Variants in AKAP6 observed in about 807,000 individuals in gnomAD.
AKAP6 encodes A-kinase anchor protein 6.
In AKAP6, 58 loss-of-function variants were observed where a neutral mutation model predicts 188.5. The observed-to-expected ratio is 0.31, with a 90% CI of 0.25 to 0.38. AKAP6 has a LOEUF of 0.38. AKAP6 is among the 10% of genes least tolerant of loss of function. AKAP6 has a pLI of 1.00. For missense variants in AKAP6, 2,710 were observed against 2,740.0 expected (o/e 0.99, Z 0.24); for synonymous variants, 989 against 998.6 (o/e 0.99, Z 0.18).
At chr14:32,519,955 C>T (rs745644133) in intron 2 of AKAP6, among the ~76,000 whole-genome samples, 26 of 151,944 alleles carry the variant, frequency 1.7e-4, no homozygotes, top group Non-Finnish European at 3.2e-4. Context: ...AATAAAGCAC[C>T]CCTCAGCAAA....
At chr14:32,706,865 T>C (rs1890832868) in intron 9 of AKAP6, among the ~76,000 whole-genome samples, 1 of 152,060 alleles carries the variant, frequency 6.6e-6, no homozygotes, top group African/African-American at 2.4e-5. Flanking sequence ...AATGCTCTTA[T>C]GGCCTTTGGG....
intron 12 of AKAP6, among the ~76,000 whole-genome samples, chr14:32,807,241 G>A (rs1296105812): frequency 6.6e-6 from 1 of 151,172 alleles, no homozygotes; most frequent in African/African-American, 2.4e-5. Flanking sequence ...GGAGAAGATT[G>A]CCTGAGTGCA....
chr14:32,720,825 C>G (rs1342813086), intron 9 of AKAP6, among the ~76,000 whole-genome samples: 2 of 152,010 alleles, frequency 1.3e-5, no homozygotes, highest in Admixed American at 6.6e-5. Flanking sequence ...CAACTGCACT[C>G]CAGCCTGGGC....
At position 32,546,457 on chromosome 14, in the gene AKAP6, A is replaced by G; in HGVS notation, c.1804A>G (p.Lys602Glu). ...TCCGGTGCCACTTCTTTCAAAACAC[A>G]AAAGCAAAAAAGGTCAAGCCTCCTC... ...MSPVPLLSKH[K>E]SKKGQASSPS... The change falls in exon 4 of 14, where the codon AAA becomes GAA. Residue 602 changes from lysine (K) to glutamate (E), a missense_variant. This residue lies in a region of AKAP6 where 2,473 missense variants were observed against 2,426.1 expected (regional missense o/e 1.02). Coordinates refer to ENST00000280979, the MANE Select transcript of AKAP6 (RefSeq NM_004274.5). 1.2e-6 allele frequency: 2 copies of G among 1,614,182 alleles called. No homozygotes were observed. Among genetic ancestry groups the G allele is most frequent in the Non-Finnish European group, 1.7e-6 (2 of 1,180,022 alleles).
intron 1 of AKAP6, among the ~76,000 whole-genome samples, chr14:32,347,306 G>A (rs1887101923): frequency 6.6e-6 from 1 of 152,126 alleles, no homozygotes; most frequent in Admixed American, 6.5e-5. Flanking sequence ...TAACCCATAT[G>A]TCTTGAATAC....
intron 1 of AKAP6, among the ~76,000 whole-genome samples, chr14:32,423,677 C>T (rs924484283): frequency 9.9e-5 from 15 of 152,128 alleles, no homozygotes; most frequent in Admixed American, 4.6e-4. Context: ...TAAATAGCTA[C>T]TTATCGCTTG....
chr14:32,568,965 T>C lies in AKAP6; in HGVS notation c.2347-8155T>C, dbSNP rs1175909351. 6.6e-6 allele frequency among the ~76,000 whole-genome samples: 1 copy of C among 152,210 alleles called. No individual in the cohort carries two copies. Among genetic ancestry groups the C allele is most frequent in the Non-Finnish European group, 1.5e-5 (1 of 68,030 alleles). On this transcript the variant is annotated intron_variant, in intron 4 of 13. Transcript: ENST00000280979. This position sits in a 1 kb window ranked among gnomAD's most constrained non-coding sequence, Gnocchi z 6.2. ...CTGATAATTTCTTTTTATAAACCCA[T>C]AGGGAGCAACTGAATTCAAAATCTC... is the stretch of plus-strand genomic sequence containing the variant.
At chr14:32,402,464 T>C (rs1889128039) in intron 1 of AKAP6, among the ~76,000 whole-genome samples, 1 of 152,236 alleles carries the variant, frequency 6.6e-6, no homozygotes, top group East Asian at 1.9e-4. Context: ...TTTCCTACTT[T>C]CTTTCCAATC....
intron 2 of AKAP6, among the ~76,000 whole-genome samples, chr14:32,510,434 A>ATACATATATATATG (rs1566546683): frequency 4.1e-5 from 4 of 97,122 alleles, no homozygotes; most frequent in African/African-American, 1.8e-4. Context: ...ACATATATAT[A>ATACATATATATATG]TGTGTATATA....
intron 4 of AKAP6, among the ~76,000 whole-genome samples, chr14:32,561,376 C>T (rs533849625): frequency 6.6e-6 from 1 of 152,142 alleles, no homozygotes; most frequent in East Asian, 1.9e-4. Flanking sequence ...CCTCGCAAGC[C>T]TCAGTTTTAA....
At chr14:32,539,511 TA>T (rs897841916) in intron 3 of AKAP6, among the ~76,000 whole-genome samples, 3 of 152,054 alleles carry the variant, frequency 2.0e-5, no homozygotes, top group Non-Finnish European at 4.4e-5. Flanking sequence ...CATATTGCTG[TA>T]AAAAAATCTG....
chr14:32,369,100 T>C (rs1370106378), intron 1 of AKAP6, among the ~76,000 whole-genome samples: 1 of 152,126 alleles, frequency 6.6e-6, no homozygotes, highest in Non-Finnish European at 1.5e-5. Flanking sequence ...ATGGGCACTC[T>C]TCAAATGTGG....
intron 12 of AKAP6, among the ~76,000 whole-genome samples, chr14:32,804,925 T>G (rs1168384360): frequency 6.6e-6 from 1 of 152,200 alleles, no homozygotes; most frequent in Admixed American, 6.5e-5. Flanking sequence ...TATGGCTCTT[T>G]TTGCCCAACC....
chr14:32,508,969 C>T (rs1437609510), intron 2 of AKAP6, among the ~76,000 whole-genome samples: 3 of 150,470 alleles, frequency 2.0e-5, no homozygotes, highest in Non-Finnish European at 4.4e-5. Flanking sequence ...GGACTATAGG[C>T]GTGCACCACC....
intron 13 of AKAP6, among the ~76,000 whole-genome samples, chr14:32,826,635 CT>C: frequency 6.6e-6 from 1 of 152,314 alleles, no homozygotes. Flanking sequence ...CTGGAGAAGC[CT>C]TTGCGAAGCA....
chr14:32,539,816 G>A (rs531280530), intron 3 of AKAP6, among the ~76,000 whole-genome samples: 112 of 152,032 alleles, frequency 7.4e-4, no homozygotes, highest in Non-Finnish European at 1.2e-3. Context: ...GGATGCATTC[G>A]GAATCATAGA....
intron 9 of AKAP6, among the ~76,000 whole-genome samples, 169 bp downstream of exon 9, chr14:32,696,279 C>T (rs1162775083): frequency 6.6e-6 from 1 of 152,184 alleles, no homozygotes; most frequent in African/African-American, 2.4e-5. Flanking sequence ...TGCTGACAGG[C>T]TGCACCGACA....
intron 7 of AKAP6, among the ~76,000 whole-genome samples, chr14:32,675,403 T>C (rs1889384798): frequency 6.6e-6 from 1 of 152,228 alleles, no homozygotes; most frequent in South Asian, 2.1e-4. Context: ...TAGTCACTTT[T>C]TAAAGTATCC....
chr14:32,648,508 C>A (rs902335689), intron 7 of AKAP6, among the ~76,000 whole-genome samples: 1 of 152,098 alleles, frequency 6.6e-6, no homozygotes, highest in African/African-American at 2.4e-5. Context: ...CTGTCATTAT[C>A]AGCTCTGATG....
Sources: allele counts gnomAD v4.1 joint callset (sites outside exome capture counted in the v4.1 genomes callset), GRCh38; gene constraint gnomAD v4.1.1; regional missense constraint gnomAD v4.1.1; non-coding constraint Gnocchi (gnomAD v3.1); transcripts MANE v1.5; gene names NCBI Gene and HGNC (gene_info 2026-07-23, HGNC 2026-07-21).